The following COX10 variants were observed in gnomAD, a reference collection of about 807,000 sequenced individuals.
COX10 encodes protoheme IX farnesyltransferase, mitochondrial.
Under a neutral mutation model 37.3 loss-of-function variants are expected in COX10, and 27 were observed. The ratio of observed to expected loss-of-function variants is 0.72; its 90% confidence interval spans 0.53 to 1.00. The LOEUF is 1.00. Ranked by LOEUF, COX10 falls within the 50% of genes least tolerant of loss-of-function variation. The pLI is 0.00. For synonymous variants in COX10, 222 were observed against 229.1 expected, an observed-to-expected ratio of 0.97 and a Z score of 0.28; for missense variants, 475 against 563.2, an observed-to-expected ratio of 0.84 and a Z score of 1.59.
chr17:14,093,336 A>G (rs1915569650), intron 3 of COX10, among the ~76,000 whole-genome samples: 1 of 152,172 alleles, frequency 6.6e-6, no homozygotes, highest in Admixed American at 6.6e-5. Context: ...CCCATTTTTT[A>G]ACGTAATCTT....
At position 14,074,583 on chromosome 17, in the gene COX10, C is replaced by G. The variant is rs990775725; in HGVS notation, c.177+127C>G. ...TTGAAAAGAACTTTTATTTAGTGTC[C>G]TTAAATTTATCCAAATGTCTTGTTT... On this transcript the variant is annotated intron_variant, in intron 2 of 6. Transcript: ENST00000261643. 135 of 906,740 alleles carry G rather than the reference C, an allele frequency of 1.5e-4. 1 individual carries two copies. Among genetic ancestry groups the G allele is most frequent in the Non-Finnish European group, 2.2e-4 (124 of 554,778 alleles). 56.2% of individuals were successfully genotyped at this position (906,740 alleles called of 1,614,324 possible).
chr17:14,109,155 G>A (rs1218372124), intron 4 of COX10, among the ~76,000 whole-genome samples: 1 of 152,120 alleles, frequency 6.6e-6, no homozygotes, highest in Non-Finnish European at 1.5e-5. Context: ...ATTCAAATTA[G>A]CTACTGCACT....
intron 3 of COX10, among the ~76,000 whole-genome samples, chr17:14,084,687 T>G (rs1258826970): frequency 6.6e-6 from 1 of 151,974 alleles, no homozygotes; most frequent in Admixed American, 6.6e-5. Context: ...TTGAGAAAAA[T>G]TTCGCTCTTG....
intron 3 of COX10, among the ~76,000 whole-genome samples, chr17:14,101,562 C>T (rs976039216): frequency 1.3e-5 from 2 of 152,172 alleles, no homozygotes; most frequent in African/African-American, 4.8e-5. Flanking sequence ...CTCGCCTCTT[C>T]CCTTGGTTCC....
chr17:14,200,204 A>T (rs1416496496), intron 6 of COX10, among the ~76,000 whole-genome samples: 1 of 152,042 alleles, frequency 6.6e-6, no homozygotes, highest in African/African-American at 2.4e-5. Context: ...CAGCTTGAGG[A>T]TTTTTGTCTC....
chr17:14,075,762 G>A (rs1404621623), intron 2 of COX10, among the ~76,000 whole-genome samples: 17 of 151,936 alleles, frequency 1.1e-4, no homozygotes, highest in African/African-American at 3.6e-4. Context: ...AGGCCGAGGC[G>A]GGCGGATCAT....
chr17:14,205,848 G>T (rs1308975874), intron 6 of COX10, among the ~76,000 whole-genome samples: 3 of 152,134 alleles, frequency 2.0e-5, no homozygotes, highest in Admixed American at 6.5e-5. Context: ...TGAGAGTAGG[G>T]TCTGTCACAT....
At chr17:14,091,688 A>G (rs926761302) in intron 3 of COX10, among the ~76,000 whole-genome samples, 1 of 152,198 alleles carries the variant, frequency 6.6e-6, no homozygotes, top group African/African-American at 2.4e-5. Flanking sequence ...ATGTAAAAGC[A>G]TTTTACTGAT....
chr17:14,119,024 G>T (rs1054750475), intron 4 of COX10, among the ~76,000 whole-genome samples: 1 of 151,846 alleles, frequency 6.6e-6, no homozygotes, highest in Non-Finnish European at 1.5e-5. Flanking sequence ...TCACCTCTCA[G>T]TATTGTTTTC....
intron 4 of COX10, among the ~76,000 whole-genome samples, chr17:14,141,016 G>C (rs996702572): frequency 6.6e-6 from 1 of 151,910 alleles, no homozygotes; most frequent in Non-Finnish European, 1.5e-5. Context: ...ATACATTTCA[G>C]AATTCATACA....
In COX10 at chr17:14,207,069, C is replaced by T. The variant is rs1472420802; in HGVS notation, c.1188C>T (p.Gly396=). The part of the protein sequence containing the change: ...LPINAYISYL[G]FRFYVDADRR... ...TCAATGCGTACATCTCCTACCTCGGCTTCCGCTTCTACGTGGACGCAGACC... is the reference window on the plus strand; with the variant it reads ...TCAATGCGTACATCTCCTACCTCGGTTTCCGCTTCTACGTGGACGCAGACC... Residue 396 remains glycine (G), a synonymous_variant, in exon 7 of 7, where the codon GGC becomes GGT. Coordinates refer to ENST00000261643, the MANE Select transcript of COX10 (RefSeq NM_001303.4). 6.2e-7 allele frequency: 1 copy of T among 1,614,098 alleles called. No homozygotes were observed. Among genetic ancestry groups the T allele is most frequent in the East Asian group, 2.2e-5 (1 of 44,852 alleles).
At chr17:14,140,625 C>T (rs1904511461) in intron 4 of COX10, among the ~76,000 whole-genome samples, 1 of 152,008 alleles carries the variant, frequency 6.6e-6, no homozygotes, top group Non-Finnish European at 1.5e-5. Flanking sequence ...GATATTGAAA[C>T]ACTATATTCT....
chr17:14,174,995 G>T (rs1480353085), intron 5 of COX10, among the ~76,000 whole-genome samples: 1 of 85,134 alleles, frequency 1.2e-5, no homozygotes, highest in Non-Finnish European at 2.6e-5. Context: ...AGAGACAAAA[G>T]ACAGCATGTC....
intron 6 of COX10, among the ~76,000 whole-genome samples, chr17:14,194,251 C>T (rs543325501): frequency 1.6e-4 from 25 of 152,090 alleles, no homozygotes; most frequent in Admixed American, 1.6e-3. Context: ...TGTCACACTT[C>T]CGGGCAGTTT....
At chr17:14,115,501 A>G (rs1208192151) in intron 4 of COX10, among the ~76,000 whole-genome samples, 3 of 152,112 alleles carry the variant, frequency 2.0e-5, no homozygotes, top group Non-Finnish European at 4.4e-5. Flanking sequence ...ATAGAAAACT[A>G]TCATTTGATC....
At chr17:14,141,600 A>T (rs1904545699) in intron 4 of COX10, among the ~76,000 whole-genome samples, 1 of 150,936 alleles carries the variant, frequency 6.6e-6, no homozygotes, top group African/African-American at 2.4e-5. Flanking sequence ...GTCTATTCTC[A>T]TTGTGGAATA....
At chr17:14,085,570 G>GAAAAAAAA (rs1915391832) in intron 3 of COX10, among the ~76,000 whole-genome samples, 3 of 152,028 alleles carry the variant, frequency 2.0e-5, no homozygotes, top group African/African-American at 7.2e-5. Context: ...CTGTATAGAA[G>GAAAAAAAA]TATACCTTTA....
chr17:14,139,867 C>T (rs1904486550), intron 4 of COX10, among the ~76,000 whole-genome samples: 1 of 152,102 alleles, frequency 6.6e-6, no homozygotes, highest in African/African-American at 2.4e-5. Context: ...AACAAAAATT[C>T]TGAGCAATGT....
intron 3 of COX10, among the ~76,000 whole-genome samples, chr17:14,087,152 A>T (rs544787403): frequency 1.3e-5 from 2 of 152,350 alleles, no homozygotes; most frequent in South Asian, 2.1e-4. Flanking sequence ...TTGTGGACAG[A>T]ATAAGGTGCA....
Sources: allele counts gnomAD v4.1 joint callset (sites outside exome capture counted in the v4.1 genomes callset), GRCh38; gene constraint gnomAD v4.1.1; transcripts MANE v1.5; gene names NCBI Gene and HGNC (gene_info 2026-07-23, HGNC 2026-07-21).